The following YPEL1 variants were observed in gnomAD, a reference collection of about 807,000 sequenced individuals.
YPEL1 encodes the protein yippee like 1.
YPEL1 carries 7 observed loss-of-function variants against 17.3 expected under a neutral mutation model. That is an observed-to-expected ratio of 0.40 (90% confidence interval 0.23 to 0.76). The LOEUF is 0.76. Among genes scored for constraint, YPEL1 ranks in the 30% least tolerant of loss-of-function variants. YPEL1 has a pLI of 0.35. For synonymous variants in YPEL1, 59 were observed against 59.6 expected, an observed-to-expected ratio of 0.99 and a Z score of 0.05; for missense variants, 91 against 155.5, an observed-to-expected ratio of 0.59 and a Z score of 2.21.
Position 21,703,735 on chromosome 22 carries a change from G to T in YPEL1, c.161+104C>A. 7.7e-7 allele frequency: 1 copy of T among 1,290,372 alleles called. No homozygotes were observed. The highest frequency in any genetic ancestry group is 1.1e-6 in the Non-Finnish European group (1 of 933,100). The allele number at this position is 1,290,372 out of a possible 1,614,324, so 79.9% of individuals were successfully genotyped here. A position where few individuals can be genotyped will look rare whatever the true frequency, so the allele number is the denominator to read the frequency against. The stretch of plus-strand genomic sequence containing the variant: ...GCGGGGGGATGGTGGGTTCTTTCAG[G>T]ACCCCTAAAGACCCAGGTGATTCTA... On this transcript the variant is annotated intron_variant, in intron 3 of 4. Transcript: ENST00000339468. This position sits in a 1 kb window ranked among gnomAD's most constrained non-coding sequence, Gnocchi z 6.1.
At chr22:21,734,242 G>A (rs1469317873) in intron 1 of YPEL1, among the ~76,000 whole-genome samples, 1 of 152,074 alleles carries the variant, frequency 6.6e-6, no homozygotes, top group Admixed American at 6.6e-5. Flanking sequence ...ACAGAGAAAT[G>A]GCTTTATAAA....
At chr22:21,720,511 G>C (rs981427471) in intron 1 of YPEL1, among the ~76,000 whole-genome samples, 9 of 150,486 alleles carry the variant, frequency 6.0e-5, no homozygotes, top group Non-Finnish European at 3.0e-5. Context: ...GCGATTTTTT[G>C]AGACAGTCTC....
At chr22:21,716,633 G>A (rs1247794840) in intron 1 of YPEL1, among the ~76,000 whole-genome samples, 1 of 152,386 alleles carries the variant, frequency 6.6e-6, no homozygotes, top group Admixed American at 6.5e-5. Context: ...GGCTGACAGC[G>A]CCCTGAGGTA....
chr22:21,701,408 T>G (rs930412275), intron 4 of YPEL1, among the ~76,000 whole-genome samples, 190 bp from the exon 5 acceptor site: 2 of 152,196 alleles, frequency 1.3e-5, no homozygotes, highest in African/African-American at 4.8e-5. Context: ...AGGTTTACTT[T>G]GCATTTGTTG....
At chr22:21,721,279 A>C (rs1418625583) in intron 1 of YPEL1, among the ~76,000 whole-genome samples, 1 of 149,878 alleles carries the variant, frequency 6.7e-6, no homozygotes. Flanking sequence ...CGCCCGGCTA[A>C]TTTTTTTTGT....
At position 21,703,984 on chromosome 22, in the gene YPEL1, C is replaced by CCGGGA. The variant is rs1261233636; in HGVS notation, c.118-107_118-103dup. On this transcript the variant is annotated intron_variant, in intron 2 of 4. Transcript: ENST00000339468. The surrounding 1 kb of genome is among the most constrained non-coding windows in gnomAD (Gnocchi z 6.1). The stretch of plus-strand genomic sequence containing the variant: ...TCCAGCCCCGCGGCTGTTAGCTGCG[C>CCGGGA]CGGGACGCGTCACCGGGAGCAGACA... 7.6e-7 allele frequency: 1 copy of CCGGGA among 1,320,356 alleles called. No homozygotes were observed. Among genetic ancestry groups the CCGGGA allele is most frequent in the Non-Finnish European group, 1.1e-6 (1 of 935,964 alleles). 81.8% of individuals were successfully genotyped at this position (1,320,356 alleles called of 1,614,324 possible).
intron 4 of YPEL1, among the ~76,000 whole-genome samples, chr22:21,702,399 C>T (rs2068074692): frequency 6.6e-6 from 1 of 152,158 alleles, no homozygotes; most frequent in Non-Finnish European, 1.5e-5. Context: ...CCTTCCAAAA[C>T]TCATGAGGAA....
chr22:21,731,583 G>C (rs1048485321), intron 1 of YPEL1, among the ~76,000 whole-genome samples: 16 of 151,194 alleles, frequency 1.1e-4, no homozygotes, highest in Non-Finnish European at 2.1e-4. Context: ...AACCAGAAAA[G>C]GTGAGGGGGA....
chr22:21,724,586 T>C (rs1290361911), intron 1 of YPEL1, among the ~76,000 whole-genome samples: 1 of 150,912 alleles, frequency 6.6e-6, no homozygotes, highest in Non-Finnish European at 1.5e-5. Flanking sequence ...TTTTTTTTTT[T>C]TGTTTTTGTT....
chr22:21,731,112 T>C (rs1241583549), intron 1 of YPEL1, among the ~76,000 whole-genome samples: 2 of 152,236 alleles, frequency 1.3e-5, no homozygotes, highest in East Asian at 3.9e-4. Flanking sequence ...GCATGGTGAC[T>C]CATGCCTGTA....
intron 2 of YPEL1, among the ~76,000 whole-genome samples, chr22:21,708,102 C>T (rs758898587): frequency 1.3e-5 from 2 of 151,576 alleles, no homozygotes; most frequent in South Asian, 2.1e-4. Context: ...TTCTGTTCTG[C>T]GTGGCAGGTG....
intron 1 of YPEL1, among the ~76,000 whole-genome samples, chr22:21,718,957 C>CTTG (rs74363531): frequency 0.18 from 27,504 of 152,144 alleles, 2,913 homozygotes; most frequent in Middle Eastern, 0.27. Flanking sequence ...TGTGCCAATC[C>CTTG]TGAAATTTTC....
Position 21,716,748 on chromosome 22 carries a change from A to T in YPEL1, c.-164-5840T>A, listed in dbSNP as rs139893803. ...TCCAGGACAATGAGTAATGCAGTCA[A>T]AAGTAACCACACATTCACAGAAACA... On this transcript the variant is annotated intron_variant, in intron 1 of 4. Coordinates refer to ENST00000339468, the MANE Select transcript of YPEL1 (RefSeq NM_013313.5). 6.3e-3 allele frequency among the ~76,000 whole-genome samples: 961 copies of T among 152,382 alleles called. 5 individuals carry two copies. The highest frequency in any genetic ancestry group is 0.011 in the Non-Finnish European group (725 of 68,034).
intron 1 of YPEL1, among the ~76,000 whole-genome samples, chr22:21,711,462 C>T (rs1035030698): frequency 8.5e-5 from 13 of 152,140 alleles, no homozygotes; most frequent in African/African-American, 2.7e-4. Context: ...TGGATGCACC[C>T]CACCCCGAAT....
intron 1 of YPEL1, among the ~76,000 whole-genome samples, chr22:21,718,401 C>T (rs1414545406): frequency 6.6e-6 from 1 of 151,724 alleles, no homozygotes; most frequent in Non-Finnish European, 1.5e-5. Context: ...GGAGGTGGAG[C>T]TTGCAGTGAG....
At chr22:21,718,471 AT>A (rs1259893965) in intron 1 of YPEL1, among the ~76,000 whole-genome samples, 7 of 151,694 alleles carry the variant, frequency 4.6e-5, no homozygotes, top group Middle Eastern at 3.4e-3. Flanking sequence ...TCAAAAAAAA[AT>A]AATAATATAA....
chr22:21,710,971 A>C, intron 1 of YPEL1, 63 bp from the exon 2 acceptor site: 1 of 515,084 alleles, frequency 1.9e-6, no homozygotes, highest in Non-Finnish European at 3.5e-6. Flanking sequence ...GCAGGTACAT[A>C]TGGGATTCAT....
At chr22:21,712,861 T>C (rs1329045442) in intron 1 of YPEL1, among the ~76,000 whole-genome samples, 1 of 151,908 alleles carries the variant, frequency 6.6e-6, no homozygotes, top group Non-Finnish European at 1.5e-5. Flanking sequence ...AAAGGACCTA[T>C]ATATCTATAT....
At chr22:21,710,518 G>A in intron 2 of YPEL1, 110 bp downstream of exon 2, 2 of 960,532 alleles carry the variant, frequency 2.1e-6, no homozygotes, top group Non-Finnish European at 3.4e-6. Flanking sequence ...AGACGTTCAG[G>A]ACACAGCAGA....
Sources: allele counts gnomAD v4.1 joint callset (sites outside exome capture counted in the v4.1 genomes callset), GRCh38; gene constraint gnomAD v4.1.1; non-coding constraint Gnocchi (gnomAD v3.1); transcripts MANE v1.5; gene names NCBI Gene and HGNC (gene_info 2026-07-23, HGNC 2026-07-21).